GGA3: variants seen among roughly 807,000 people sequenced by gnomAD.
The protein encoded by GGA3 is ADP-ribosylation factor-binding protein GGA3.
Under a neutral mutation model 77.5 loss-of-function variants are expected in GGA3, and 57 were observed. The observed-to-expected ratio is 0.74, with a 90% CI of 0.59 to 0.92. The LOEUF (loss-of-function observed/expected upper bound fraction) is 0.92. Among genes scored for constraint, GGA3 ranks in the 40% least tolerant of loss-of-function variants. The probability of loss-of-function intolerance (pLI) is 0.00; values close to 1 mark genes in which losing one functional copy is unlikely to be tolerated. For synonymous variants in GGA3, 416 were observed against 383.7 expected (o/e 1.08, Z -0.98); for missense variants, 970 against 914.9 (o/e 1.06, Z -0.78).
rs765595260 is a variant in GGA3, at chr17:75,238,913, C to T, written c.1950+1G>A. ...TTTTGGCCCCAGGGAGACACTGGTA[C>T]CTTGGGCACTGCAGCCTGCAGCACG... On this transcript the variant is annotated splice_donor_variant, in intron 15 of 16. Coordinates refer to ENST00000537686, the MANE Select transcript of GGA3 (RefSeq NM_138619.4). LOFTEE classifies it high-confidence loss of function. The T allele has an allele frequency of 6.2e-7, 1 of 1,613,680 alleles. No homozygotes were observed. The highest frequency in any genetic ancestry group is 1.7e-5 in the Admixed American group (1 of 59,990).
chr17:75,243,351 C>T (rs2076641346), intron 5 of GGA3, 96 bp downstream of exon 5: 1 of 1,493,654 alleles, frequency 6.7e-7, no homozygotes. Context: ...CTGTTCTCTT[C>T]AGGAGGGACT....
chr17:75,246,932 G>C, intron 1 of GGA3, 136 bp from the exon 2 acceptor site: 1 of 635,930 alleles, frequency 1.6e-6, no homozygotes, highest in Non-Finnish European at 2.8e-6. Flanking sequence ...CAGTAGAACA[G>C]TCAGTAGCAA....
In GGA3 at chr17:75,261,375, G is replaced by GGCCCGGC. The variant is rs1598470388; in HGVS notation, c.40+166_40+172dup. On this transcript the variant is annotated intron_variant, in intron 1 of 16. Transcript: ENST00000537686. ...GCGAGGGAAGCGGGGGCCGGACTGG[G>GGCCCGGC]GCCCGGCGCCCTGATAGGGAAGGGG... is the stretch of plus-strand genomic sequence containing the variant. Among the ~76,000 whole-genome samples the GGCCCGGC allele has an allele frequency of 2.0e-5, 3 of 152,392 alleles. No homozygotes were observed. The East Asian group carries it at 5.8e-4, about 29-fold the overall frequency.
At chr17:75,261,645 C>G (rs2077389206), upstream of GGA3, 1 of 1,456,466 alleles carries the variant, frequency 6.9e-7, no homozygotes, top group African/African-American at 1.4e-5. Flanking sequence ...CGAGCTGAGA[C>G]GGGGCGGGGC....
At chr17:75,249,170 C>T (rs111819832) in intron 1 of GGA3, among the ~76,000 whole-genome samples, 9,277 of 152,180 alleles carry the variant, frequency 0.061, 304 homozygotes, top group Middle Eastern at 0.12. Flanking sequence ...CTCAGCCTCC[C>T]GAGTAGCTGG....
rs746415212 is a variant in GGA3, at chr17:75,238,719, GA to G, written c.1993del (p.Ser665LeufsTer22). 3.3e-5 allele frequency: 53 copies of G among 1,613,932 alleles called. No individual in the cohort carries two copies. The highest frequency in any genetic ancestry group is 3.1e-5 in the Non-Finnish European group (36 of 1,179,932). ...AGGTGGCTGGATGGGGCTAAATGGAGAGAGTTCTGTCCCAGAAGGTGGCTGC... is the reference window on the plus strand; with the variant it reads ...AGGTGGCTGGATGGGGCTAAATGGAGGAGTTCTGTCCCAGAAGGTGGCTGC... ...KLQPPSGTEL[S>X]PFSPIQPPAA... On this transcript the variant is annotated frameshift_variant, in exon 16 of 17. Transcript: ENST00000537686. LOFTEE classifies it high-confidence loss of function.
intron 1 of GGA3, among the ~76,000 whole-genome samples, chr17:75,253,937 C>T (rs1183849266): frequency 6.6e-6 from 1 of 152,152 alleles, no homozygotes; most frequent in Non-Finnish European, 1.5e-5. Flanking sequence ...CACCGCTTGG[C>T]CCCAGTACAA....
At chr17:75,261,911 C>A, upstream of GGA3, 1 of 1,608,940 alleles carries the variant, frequency 6.2e-7, no homozygotes, top group Middle Eastern at 1.6e-4. Context: ...ATGGCTGCCC[C>A]CGCAGTGAAG....
In GGA3 at chr17:75,253,123, C is replaced by G. The variant is rs536941656; in HGVS notation, c.41-6327G>C. Among the ~76,000 whole-genome samples the G allele has an allele frequency of 3.3e-5, 5 of 152,330 alleles. No homozygotes were observed. In the South Asian group the frequency reaches 8.3e-4, roughly 25 times the overall value. On this transcript the variant is annotated intron_variant, in intron 1 of 16. Coordinates refer to ENST00000537686, the MANE Select transcript of GGA3 (RefSeq NM_138619.4). ...ATCCCCTGTCCTCCTGTTCTTTGCTCCGTGAAAAAGATCCACCTACGACCT... is the reference window on the plus strand; with the variant it reads ...ATCCCCTGTCCTCCTGTTCTTTGCTGCGTGAAAAAGATCCACCTACGACCT...
intron 1 of GGA3, among the ~76,000 whole-genome samples, chr17:75,259,206 G>C (rs999653018): frequency 6.6e-6 from 1 of 151,926 alleles, no homozygotes; most frequent in African/African-American, 2.4e-5. Context: ...CACCCGCCTC[G>C]GCCTCCCAAC....
chr17:75,238,667 C>T lies in GGA3; in HGVS notation c.2046G>A (p.Leu682=). ...TGCTGCTCACCTTCAGTGGATTGGCCAGCAACATGACCTGGGTGATGGCTG... is the reference window on the plus strand; with the variant it reads ...TGCTGCTCACCTTCAGTGGATTGGCTAGCAACATGACCTGGGTGATGGCTG... The part of the protein sequence containing the change: ...PPAAITQVML[L]ANPLKEKVRL... Residue 682 remains leucine, a synonymous_variant, in exon 16 of 17, where the codon CTG becomes CTA. Transcript: ENST00000537686. 6.2e-7 allele frequency: 1 copy of T among 1,612,910 alleles called. No homozygotes were observed. The highest frequency in any genetic ancestry group is 8.5e-7 in the Non-Finnish European group (1 of 1,179,134).
Position 75,240,887 on chromosome 17 carries a change from G to T in GGA3, c.1117C>A (p.Gln373Lys), listed in dbSNP as rs144322514. The change falls in exon 11 of 17, where the codon CAG becomes AAG. Residue 373 changes from glutamine (Q) to lysine (K), a missense_variant. Physicochemically the swap from Gln to Lys is moderately conservative, Grantham distance 53. Coordinates refer to ENST00000537686, the MANE Select transcript of GGA3 (RefSeq NM_138619.4). Reference protein sequence around the residue: ...SGPPRSRSSSQAEATLGPSST... With the variant: ...SGPPRSRSSSKAEATLGPSST... The stretch of plus-strand genomic sequence containing the variant: ...CTGGGCCCCAGGGTGGCCTCGGCCT[G>T]GCTAGAGGAGCGGCTCCGTGGAGGT... 15 of 1,613,790 alleles carry T rather than the reference G, an allele frequency of 9.3e-6. No individual in the cohort carries two copies. The African/African-American group carries it at 2.0e-4, about 22-fold the overall frequency.
In GGA3 at chr17:75,257,020, ATT is replaced by A. The variant is rs372883798; in HGVS notation, c.40+4526_40+4527del. 3.0e-4 allele frequency among the ~76,000 whole-genome samples: 46 copies of A among 152,198 alleles called. No homozygotes were observed. In the South Asian group the frequency reaches 9.1e-3, roughly 30 times the overall value. On this transcript the variant is annotated intron_variant, in intron 1 of 16. Transcript: ENST00000537686. ...CCAAGCAGTTTCTCAGGCTCTTAGT[ATT>A]CAGTGAAACCTTTATATCCCTTACG...
At chr17:75,251,612 A>C (rs763636606) in intron 1 of GGA3, among the ~76,000 whole-genome samples, 2 of 145,074 alleles carry the variant, frequency 1.4e-5, no homozygotes, top group Non-Finnish European at 3.0e-5. Flanking sequence ...AGGCTGAGGC[A>C]GGAGAATCGC....
upstream of GGA3, chr17:75,262,316 C>T: frequency 1.3e-6 from 1 of 743,216 alleles, no homozygotes; most frequent in Admixed American, 2.5e-5. Flanking sequence ...CTTTACCCGC[C>T]TGCTTGGGGA....
At position 75,248,951 on chromosome 17, in the gene GGA3, T is replaced by C. The variant is rs1003933193; in HGVS notation, c.41-2155A>G. 4.1e-6 allele frequency: 4 copies of C among 985,140 alleles called. No individual in the cohort carries two copies. In the African/African-American group the frequency reaches 7.0e-5, roughly 17 times the overall value. The allele number at this position is 985,140 out of a possible 1,614,324, so 61.0% of individuals were successfully genotyped here. A position where few individuals can be genotyped will look rare whatever the true frequency, so the allele number is the denominator to read the frequency against. ...CAGAGGGAAGGCCCGTGGCACCCAG[T>C]GTATCACCCTGCTTCCCAGGTCGGG... On this transcript the variant is annotated intron_variant, in intron 1 of 16. Coordinates refer to ENST00000537686, the MANE Select transcript of GGA3 (RefSeq NM_138619.4).
At chr17:75,252,555 C>T (rs893412814) in intron 1 of GGA3, among the ~76,000 whole-genome samples, 3 of 152,090 alleles carry the variant, frequency 2.0e-5, no homozygotes, top group Non-Finnish European at 2.9e-5. Flanking sequence ...CCCTACCCTC[C>T]ACTCCTTCTC....
At chr17:75,240,695 G>A in intron 11 of GGA3, 117 bp downstream of exon 11, 1 of 1,179,220 alleles carries the variant, frequency 8.5e-7, no homozygotes, top group Non-Finnish European at 1.2e-6. Context: ...TCCAACTCAG[G>A]GTTCTTTGCC....
chr17:75,260,895 G>T (rs1033266059), intron 1 of GGA3, among the ~76,000 whole-genome samples: 1 of 151,616 alleles, frequency 6.6e-6, no homozygotes, highest in African/African-American at 2.4e-5. Context: ...GACTCGTTAG[G>T]ATATTCAAGG....
Sources: allele counts gnomAD v4.1 joint callset (sites outside exome capture counted in the v4.1 genomes callset), GRCh38; gene constraint gnomAD v4.1.1; transcripts MANE v1.5; gene names NCBI Gene and HGNC (gene_info 2026-07-23, HGNC 2026-07-21).